The following CTNNA2 variants were observed in gnomAD, a reference collection of about 807,000 sequenced individuals.
The protein encoded by CTNNA2 is catenin alpha-2.
Under a neutral mutation model 101.0 loss-of-function variants are expected in CTNNA2, and 42 were observed. The observed-to-expected ratio is 0.42, with a 90% CI of 0.32 to 0.54. The LOEUF (loss-of-function observed/expected upper bound fraction) is 0.54. Ranked by LOEUF, CTNNA2 falls within the 20% of genes least tolerant of loss-of-function variation. The probability of loss-of-function intolerance (pLI) is 0.14; values close to 1 mark genes in which losing one functional copy is unlikely to be tolerated. For synonymous variants in CTNNA2, 450 were observed against 456.4 expected (o/e 0.99, Z 0.18); for missense variants, 871 against 1,223.1 (o/e 0.71, Z 4.29).
chr2:79,945,497 A>G (rs368026496), intron 7 of CTNNA2, among the ~76,000 whole-genome samples: 1 of 152,176 alleles, frequency 6.6e-6, no homozygotes, highest in Non-Finnish European at 1.5e-5. Flanking sequence ...TTATTTTTCT[A>G]TGCAAAGGTT....
rs562656133 is a variant in CTNNA2 at position 80,251,228 on chromosome 2, C to A, written c.1057-141983C>A. Among the ~76,000 whole-genome samples, 3 of 152,222 alleles carry A rather than the reference C, an allele frequency of 2.0e-5. No individual in the cohort carries two copies. The East Asian group carries it at 5.8e-4, about 29-fold the overall frequency. On this transcript the variant is annotated intron_variant, in intron 7 of 18. Coordinates refer to ENST00000402739, the MANE Select transcript of CTNNA2 (RefSeq NM_001282597.3). ...ATCTAGTCCATGTGCCAACTACGTC[C>A]GGCACCCGGCATGTTCCTTAAACTT... is the stretch of plus-strand genomic sequence containing the variant.
chr2:80,470,738 G>A (rs1258010812), intron 9 of CTNNA2, among the ~76,000 whole-genome samples: 1 of 152,138 alleles, frequency 6.6e-6, no homozygotes, highest in Non-Finnish European at 1.5e-5. Context: ...AATAGAGAAA[G>A]CATACAGAAG....
chr2:79,662,827 T>G (rs1313635654), intron 2 of CTNNA2, among the ~76,000 whole-genome samples: 1 of 151,174 alleles, frequency 6.6e-6, no homozygotes, highest in Non-Finnish European at 1.5e-5. Context: ...AACAAAACTC[T>G]AAGTCTTTCT....
intron 1 of CTNNA2, among the ~76,000 whole-genome samples, chr2:79,604,802 T>A (rs1204296011): frequency 6.6e-6 from 1 of 152,188 alleles, no homozygotes; most frequent in East Asian, 1.9e-4. Context: ...TGGGAAATGA[T>A]TAGCCCCAGA....
At chr2:80,066,870 C>T (rs934488177) in intron 7 of CTNNA2, among the ~76,000 whole-genome samples, 4 of 152,024 alleles carry the variant, frequency 2.6e-5, no homozygotes, top group African/African-American at 4.8e-5. Flanking sequence ...ATAAAGAAAA[C>T]GTGGTGTATA....
At chr2:79,580,328 C>T (rs1346693295) in intron 1 of CTNNA2, among the ~76,000 whole-genome samples, 2 of 152,114 alleles carry the variant, frequency 1.3e-5, no homozygotes, top group African/African-American at 4.8e-5. Context: ...TCACCCACTG[C>T]TATTGGCTTT....
At chr2:79,897,604 C>T (rs775087818) in intron 6 of CTNNA2, among the ~76,000 whole-genome samples, 1 of 152,116 alleles carries the variant, frequency 6.6e-6, no homozygotes, top group Non-Finnish European at 1.5e-5. Flanking sequence ...AGCTGAGACG[C>T]TTTTAGCATT....
At chr2:79,649,458 A>T (rs1681061534) in intron 1 of CTNNA2, 1 of 154,804 alleles carries the variant, frequency 6.5e-6, no homozygotes, top group Non-Finnish European at 1.5e-5. Context: ...AACTTGCAAC[A>T]GCTGTATCAT....
intron 1 of CTNNA2, among the ~76,000 whole-genome samples, chr2:79,645,973 G>A (rs1680787324): frequency 6.6e-6 from 1 of 152,164 alleles, no homozygotes; most frequent in South Asian, 2.1e-4. Flanking sequence ...GAGTTTGATG[G>A]CAGTAGTGCC....
chr2:80,027,072 A>T (rs1694975137), intron 7 of CTNNA2, among the ~76,000 whole-genome samples: 1 of 152,208 alleles, frequency 6.6e-6, no homozygotes, highest in Admixed American at 6.5e-5. Flanking sequence ...ATAATTTCAG[A>T]GAAAGATAAG....
intron 9 of CTNNA2, among the ~76,000 whole-genome samples, chr2:80,516,121 C>T (rs1407164777): frequency 6.6e-6 from 1 of 152,062 alleles, no homozygotes; most frequent in Non-Finnish European, 1.5e-5. Context: ...TGTGAAGCCA[C>T]CCAAGCTTAA....
intron 1 of CTNNA2, among the ~76,000 whole-genome samples, chr2:79,593,301 G>T (rs1676979474): frequency 1.3e-5 from 2 of 152,214 alleles, no homozygotes; most frequent in South Asian, 2.1e-4. Context: ...TACAGCCTTT[G>T]CTTGACCATC....
chr2:79,744,305 G>A (rs779424622), intron 2 of CTNNA2, 82 bp from the exon 3 acceptor site: 56 of 1,322,620 alleles, frequency 4.2e-5, no homozygotes, highest in Non-Finnish European at 5.2e-5. Context: ...TAATAAACAC[G>A]GAGATTTAGA....
At chr2:79,532,713 C>T (rs1672819327) in intron 1 of CTNNA2, among the ~76,000 whole-genome samples, 2 of 152,124 alleles carry the variant, frequency 1.3e-5, no homozygotes, top group Non-Finnish European at 2.9e-5. Flanking sequence ...CTCTCTCAGT[C>T]TCTGTCTCTG....
chr2:79,463,329 A>T (rs1300449473), intron 4 of CTNNA2, among the ~76,000 whole-genome samples: 1 of 150,358 alleles, frequency 6.7e-6, no homozygotes, highest in African/African-American at 2.5e-5. Context: ...AATAGCTTGA[A>T]CCCAGGAGGT....
At chr2:79,657,506 C>T (rs1052263523) in intron 2 of CTNNA2, among the ~76,000 whole-genome samples, 9 of 151,930 alleles carry the variant, frequency 5.9e-5, no homozygotes, top group South Asian at 2.1e-4. Context: ...ACGCTTGTAG[C>T]GCTGATATTC....
At chr2:79,682,097 C>G (rs1683600507) in intron 2 of CTNNA2, among the ~76,000 whole-genome samples, 1 of 152,046 alleles carries the variant, frequency 6.6e-6, no homozygotes, top group Admixed American at 6.5e-5. Context: ...AATATTTATA[C>G]CTAAGAATTT....
chr2:80,108,837 C>T (rs1701040317), intron 7 of CTNNA2, among the ~76,000 whole-genome samples: 1 of 152,158 alleles, frequency 6.6e-6, no homozygotes, highest in Admixed American at 6.5e-5. Context: ...GTGCTTCTTG[C>T]TTTTTTGTTT....
intron 4 of CTNNA2, among the ~76,000 whole-genome samples, chr2:79,421,933 A>G (rs1026848329): frequency 2.0e-5 from 3 of 152,130 alleles, no homozygotes; most frequent in African/African-American, 7.2e-5. Context: ...GGTCTTGGTA[A>G]GTTAAACAAT....
Sources: gnomAD v4.1 joint callset for allele counts (sites outside exome capture counted in the v4.1 genomes callset) on GRCh38, gnomAD v4.1.1 for gene constraint, MANE v1.5 for transcripts, NCBI Gene and HGNC (gene_info 2026-07-23, HGNC 2026-07-21) for gene names.